The following UBE3B variants were observed in gnomAD, a reference collection of about 807,000 sequenced individuals.
The protein encoded by UBE3B is ubiquitin-protein ligase E3B.
UBE3B carries 80 observed loss-of-function variants against 132.3 expected under a neutral mutation model. The ratio of observed to expected loss-of-function variants is 0.60; its 90% CI spans 0.50 to 0.73. The LOEUF is 0.73. Ranked by LOEUF, UBE3B falls within the 30% of genes least tolerant of loss-of-function variation. The pLI is 0.00. For missense variants in UBE3B, 1,196 were observed against 1,362.5 expected, an observed-to-expected ratio of 0.88 and a Z score of 1.92; for synonymous variants, 487 against 520.4, an observed-to-expected ratio of 0.94 and a Z score of 0.87.
intron 24 of UBE3B, chr12:109,528,228 T>A (rs1338376458): frequency 3.1e-6 from 2 of 645,528 alleles, no homozygotes; most frequent in Non-Finnish European, 3.8e-6. Flanking sequence ...GATCTTGCAC[T>A]TTATGAGTGT....
chr12:109,484,050 C>CTCAG, intron 4 of UBE3B, 69 bp downstream of exon 4: 1 of 1,495,124 alleles, frequency 6.7e-7, no homozygotes, highest in East Asian at 2.4e-5. Flanking sequence ...TTGATATTAA[C>CTCAG]TCAGTTCTTA....
chr12:109,543,379 C>CG, the UBE3B span, among the ~76,000 whole-genome samples: 83,372 of 152,006 alleles, frequency 0.55, 23,526 homozygotes, highest in African/African-American at 0.66. Context: ...ACGGGGTCAG[C>CG]GGCTGGTAAC....
chr12:109,483,269 T>C (rs1183001676), intron 2 of UBE3B, among the ~76,000 whole-genome samples: 1 of 152,178 alleles, frequency 6.6e-6, no homozygotes, highest in Non-Finnish European at 1.5e-5. Flanking sequence ...CCTTATCCTA[T>C]GCCAGGTGCT....
chr12:109,534,809 CT>C lies in UBE3B; in HGVS notation c.*28del. On this transcript the variant is annotated 3_prime_UTR_variant, in exon 28 of 28. Coordinates refer to ENST00000342494, the MANE Select transcript of UBE3B (RefSeq NM_130466.4). The surrounding 1 kb of genome is among the most constrained non-coding windows in gnomAD (Gnocchi z 5.2). Reference sequence around the variant, plus strand: ...TCCTGTCCCAGCCCTGCCTCCAGGGCTCCTGGGCTGCCAGGGACCTTCAGCT... The same window carrying C: ...TCCTGTCCCAGCCCTGCCTCCAGGGCCCTGGGCTGCCAGGGACCTTCAGCT... 6.8e-7 allele frequency: 1 copy of C among 1,479,218 alleles called. No individual in the cohort carries two copies. Among genetic ancestry groups the C allele is most frequent in the Non-Finnish European group, 9.0e-7 (1 of 1,112,530 alleles). The allele number at this position is 1,479,218 out of a possible 1,614,324, so 91.6% of individuals were successfully genotyped here. A position where few individuals can be genotyped will look rare whatever the true frequency, so the allele number is the denominator to read the frequency against.
At position 109,534,416 on chromosome 12, in the gene UBE3B, CAG is replaced by C; in HGVS notation, c.3016-174_3016-173del. ...GAGAAGGGGTTCCTTCTCTGGAAGCCAGTCGTCTTGTGTCTGGGGCTTGACCT... is the reference window on the plus strand; with the variant it reads ...GAGAAGGGGTTCCTTCTCTGGAAGCCTCGTCTTGTGTCTGGGGCTTGACCT... On this transcript the variant is annotated intron_variant, in intron 27 of 27. Transcript: ENST00000342494. The surrounding 1 kb of genome is among the most constrained non-coding windows in gnomAD (Gnocchi z 5.2). 6.3e-6 allele frequency: 9 copies of C among 1,417,728 alleles called. No individual in the cohort carries two copies. The highest frequency in any genetic ancestry group is 8.3e-6 in the Non-Finnish European group (9 of 1,090,262). 87.8% of individuals were successfully genotyped at this position (1,417,728 alleles called of 1,614,324 possible).
chr12:109,484,725 A>G (rs890221147), intron 4 of UBE3B, among the ~76,000 whole-genome samples: 3 of 147,018 alleles, frequency 2.0e-5, no homozygotes, highest in Non-Finnish European at 3.0e-5. Context: ...AGAGATGCCA[A>G]AGATCTGAGT....
the UBE3B span, among the ~76,000 whole-genome samples, chr12:109,544,097 G>A: frequency 1.3e-5 from 2 of 152,150 alleles, no homozygotes; most frequent in Admixed American, 6.5e-5. Context: ...AGAAGAGAGC[G>A]AGCTGGTTCT....
At chr12:109,536,767 C>T (rs1883465769), downstream of UBE3B, 1 of 152,190 alleles carries the variant, frequency 6.6e-6, no homozygotes, top group Non-Finnish European at 1.5e-5. Context: ...GGTATCTGGG[C>T]TTAGGGAGCA....
At chr12:109,488,508 G>A (rs1482167395) in intron 6 of UBE3B, 64 bp from the exon 7 acceptor site, 9 of 1,456,720 alleles carry the variant, frequency 6.2e-6, no homozygotes, top group Non-Finnish European at 8.7e-6. Context: ...GTTGTAAAGT[G>A]AACACTTCAC....
At position 109,486,021 on chromosome 12, in the gene UBE3B, A is replaced by G; in HGVS notation, c.292A>G (p.Lys98Glu). The change falls in exon 5 of 28, where the codon AAG becomes GAG. Residue 98 changes from lysine to glutamate, a missense_variant. By Grantham distance (56) the Lys-to-Glu change is moderately conservative. Transcript: ENST00000342494. The part of the protein sequence containing the change: ...RIKEDNERFE[K>E]LCRSILSSMD... ...GTGTGTCTCTTTGCAGAGATTTGAG[A>G]AGTTGTGTCGCAGCATCCTGAGCAG... The G allele has an allele frequency of 1.3e-6, 2 of 1,553,886 alleles. No individual in the cohort carries two copies. The highest frequency in any genetic ancestry group is 1.7e-6 in the Non-Finnish European group (2 of 1,148,008).
chr12:109,499,902 T>C (rs1878747854), intron 12 of UBE3B, 92 bp downstream of exon 12: 1 of 1,221,910 alleles, frequency 8.2e-7, no homozygotes, highest in Non-Finnish European at 1.1e-6. Flanking sequence ...GGTGTTTTGT[T>C]TCTTATTATA....
chr12:109,542,053 C>T, the UBE3B span, among the ~76,000 whole-genome samples: 1 of 152,218 alleles, frequency 6.6e-6, no homozygotes, highest in Non-Finnish European at 1.5e-5. Context: ...ATTCAACCCA[C>T]TACAACTGTC....
intron 6 of UBE3B, among the ~76,000 whole-genome samples, chr12:109,487,586 G>A (rs1052463693): frequency 1.6e-4 from 24 of 152,220 alleles, no homozygotes; most frequent in African/African-American, 5.5e-4. Flanking sequence ...TTAGGGCCAA[G>A]TGAGCAGGGT....
chr12:109,482,680 C>T (rs1875676912), intron 2 of UBE3B, among the ~76,000 whole-genome samples: 1 of 150,928 alleles, frequency 6.6e-6, no homozygotes, highest in Non-Finnish European at 1.5e-5. Context: ...ATATGGGAGC[C>T]TCCGGGGGTC....
chr12:109,530,481 C>A, intron 25 of UBE3B, 66 bp from the exon 26 acceptor site: 4 of 1,399,452 alleles, frequency 2.9e-6, no homozygotes, highest in Non-Finnish European at 4.0e-6. Flanking sequence ...GTCTGCATGA[C>A]CTGCCTGCCT....
intron 13 of UBE3B, among the ~76,000 whole-genome samples, chr12:109,502,623 T>C (rs187190433): frequency 4.6e-5 from 7 of 152,202 alleles, no homozygotes; most frequent in African/African-American, 1.4e-4. Flanking sequence ...GAACTAGAGG[T>C]TGTCACGCCT....
At chr12:109,507,448 C>A in intron 14 of UBE3B, 116 bp from the exon 15 acceptor site, 2 of 1,134,450 alleles carry the variant, frequency 1.8e-6, no homozygotes, top group Non-Finnish European at 2.5e-6. Context: ...CTTCTTTTCA[C>A]GCACATTAAA....
rs1566088824 is a variant in UBE3B, at chr12:109,501,430, T to C, written c.1178T>C (p.Leu393Pro). The C allele has an allele frequency of 6.2e-7, 1 of 1,614,198 alleles. No homozygotes were observed. Among genetic ancestry groups the C allele is most frequent in the Non-Finnish European group, 8.5e-7 (1 of 1,180,040 alleles). Residue 393 changes from leucine (L) to proline (P), a missense_variant, in exon 13 of 28, where the codon CTG becomes CCG. Transcript: ENST00000342494. ...KQLQFLWGVP[L>P]IRIFFCDILS... ...CTGCAGTTCTTGTGGGGGGTGCCTC[T>C]GATCCGGATCTTCTTCTGTGACATC...
At chr12:109,545,016 G>A in the UBE3B span, among the ~76,000 whole-genome samples, 1 of 152,180 alleles carries the variant, frequency 6.6e-6, no homozygotes, top group African/African-American at 2.4e-5. Context: ...CAGGATATGA[G>A]GAACTGGGAT....
Sources: gnomAD v4.1 joint callset for allele counts (sites outside exome capture counted in the v4.1 genomes callset) on GRCh38, gnomAD v4.1.1 for gene constraint, Gnocchi (gnomAD v3.1) non-coding constraint, MANE v1.5 for transcripts, NCBI Gene and HGNC (gene_info 2026-07-23, HGNC 2026-07-21) for gene names.